Variants in CPQ observed in about 807,000 individuals in gnomAD.
The protein encoded by CPQ is Ser-Met dipeptidase.
CPQ carries 37 observed loss-of-function variants against 45.7 expected under a neutral mutation model. The ratio of observed to expected loss-of-function variants is 0.81; its 90% confidence interval spans 0.62 to 1.07. The LOEUF is 1.07. CPQ is among the 50% of genes least tolerant of loss of function. The pLI is 0.00. For synonymous variants in CPQ, 186 were observed against 205.8 expected (o/e 0.90, Z 0.82); for missense variants, 537 against 572.9 (o/e 0.94, Z 0.64).
intron 1 of CPQ, among the ~76,000 whole-genome samples, chr8:96,751,281 C>G (rs769102757): frequency 5.6e-4 from 85 of 152,198 alleles, no homozygotes; most frequent in Non-Finnish European, 1.0e-3. Flanking sequence ...TTTTTCTTCA[C>G]AAACTTGCCA....
At chr8:97,140,932 C>T (rs956389514) in intron 7 of CPQ, among the ~76,000 whole-genome samples, 1 of 151,904 alleles carries the variant, frequency 6.6e-6, no homozygotes, top group Non-Finnish European at 1.5e-5. Flanking sequence ...CAATCCGTAC[C>T]GCAGATCAGT....
chr8:96,982,261 A>AT (rs994007772), intron 5 of CPQ, among the ~76,000 whole-genome samples: 2 of 152,164 alleles, frequency 1.3e-5, no homozygotes, highest in Non-Finnish European at 2.9e-5. Flanking sequence ...ACATTTCCCG[A>AT]TTTTTTTAAA....
At chr8:96,895,611 A>G (rs1405089518) in intron 4 of CPQ, among the ~76,000 whole-genome samples, 2 of 152,096 alleles carry the variant, frequency 1.3e-5, no homozygotes, top group Non-Finnish European at 1.5e-5. Context: ...TAATTGGGTA[A>G]TTTTAAATGA....
Position 96,814,654 on chromosome 8 carries a change from G to A in CPQ, c.434-20319G>A, listed in dbSNP as rs533222553. 1.7e-4 allele frequency among the ~76,000 whole-genome samples: 26 copies of A among 152,246 alleles called. No individual in the cohort carries two copies. The South Asian group carries it at 5.0e-3, about 29-fold the overall frequency. ...TCATTCATTCTATATGCCAGTTGGT[G>A]TGCAGGTGGTGTTGATATAGAAATG... On this transcript the variant is annotated intron_variant, in intron 2 of 7. Coordinates refer to ENST00000220763, the MANE Select transcript of CPQ (RefSeq NM_016134.4).
chr8:96,651,682 T>A lies in CPQ; in HGVS notation c.-35+6280T>A, dbSNP rs985445903. On this transcript the variant is annotated intron_variant, in intron 1 of 7. Coordinates refer to ENST00000220763, the MANE Select transcript of CPQ (RefSeq NM_016134.4). ...AATATAATTTATGAGTGAATAGGGA[T>A]ATGGAACATTTAATAGTATATTTTA... 3.9e-5 allele frequency among the ~76,000 whole-genome samples: 5 copies of A among 127,328 alleles called. No homozygotes were observed. The East Asian group carries it at 1.1e-3, about 29-fold the overall frequency. The allele number at this position is 127,328 out of a possible 152,430, so 83.5% of individuals were successfully genotyped here. A position where few individuals can be genotyped will look rare whatever the true frequency, so the allele number is the denominator to read the frequency against.
intron 2 of CPQ, among the ~76,000 whole-genome samples, chr8:96,788,937 T>C (rs2130812660): frequency 6.6e-6 from 1 of 152,234 alleles, no homozygotes; most frequent in African/African-American, 2.4e-5. Context: ...GAATTTGTCT[T>C]TTTAGTTACT....
At chr8:96,741,585 C>A (rs554293948) in intron 1 of CPQ, among the ~76,000 whole-genome samples, 1 of 152,050 alleles carries the variant, frequency 6.6e-6, no homozygotes, top group Non-Finnish European at 1.5e-5. Context: ...AATTTTGGAT[C>A]TTTCCTGCTT....
intron 1 of CPQ, among the ~76,000 whole-genome samples, chr8:96,711,460 G>A (rs1053860636): frequency 6.6e-6 from 1 of 152,142 alleles, no homozygotes; most frequent in Non-Finnish European, 1.5e-5. Flanking sequence ...AGACATACCT[G>A]TGACTGGGTA....
At chr8:97,029,204 A>G (rs997247218) in intron 5 of CPQ, among the ~76,000 whole-genome samples, 199 bp from the exon 6 acceptor site, 3 of 152,064 alleles carry the variant, frequency 2.0e-5, no homozygotes, top group African/African-American at 7.2e-5. Context: ...CCCTTTCTCC[A>G]TTAACCTGGC....
intron 1 of CPQ, among the ~76,000 whole-genome samples, chr8:96,717,027 AT>A (rs1467787189): frequency 0.058 from 224 of 3,858 alleles, 5 homozygotes; most frequent in African/African-American, 0.12. Context: ...TGATATAAAT[AT>A]ATATATATAT....
chr8:96,686,470 TC>T (rs1339211871), intron 1 of CPQ, among the ~76,000 whole-genome samples: 13 of 152,024 alleles, frequency 8.6e-5, no homozygotes, highest in Non-Finnish European at 1.6e-4. Context: ...TTTAGTTTTC[TC>T]TTTTTATTAT....
At chr8:96,954,702 C>T (rs371342196) in intron 4 of CPQ, among the ~76,000 whole-genome samples, 8 of 151,992 alleles carry the variant, frequency 5.3e-5, no homozygotes, top group South Asian at 2.1e-4. Context: ...CCCATTAACT[C>T]GTCATTTAAC....
intron 1 of CPQ, among the ~76,000 whole-genome samples, chr8:96,754,101 T>G (rs2130787389): frequency 6.6e-6 from 1 of 152,198 alleles, no homozygotes; most frequent in Middle Eastern, 3.4e-3. Context: ...TTAATATACT[T>G]TGACTTAATT....
chr8:97,098,135 G>A (rs1211179030), intron 7 of CPQ, among the ~76,000 whole-genome samples: 1 of 152,138 alleles, frequency 6.6e-6, no homozygotes. Flanking sequence ...GAGAGTTGGG[G>A]ATACATAAAG....
chr8:97,061,881 C>A (rs1810557647), intron 6 of CPQ, among the ~76,000 whole-genome samples: 1 of 152,102 alleles, frequency 6.6e-6, no homozygotes, highest in Admixed American at 6.6e-5. Context: ...AGCTGGGTAC[C>A]ATTATCATCC....
At chr8:96,767,444 T>G (rs1444802536) in intron 1 of CPQ, among the ~76,000 whole-genome samples, 2 of 150,928 alleles carry the variant, frequency 1.3e-5, no homozygotes, top group African/African-American at 4.9e-5. Context: ...AGGAAACCAG[T>G]TCTCCTCTCC....
rs192083902 is a variant in CPQ at position 96,892,140 on chromosome 8, T to A, written c.849+12135T>A. ...CCCAAAGACAAAGACATGGCTTTTT[T>A]AATGTATATGTGTTTTTAGAAATAA... On this transcript the variant is annotated intron_variant, in intron 4 of 7. Transcript: ENST00000220763. 2.0e-4 allele frequency among the ~76,000 whole-genome samples: 30 copies of A among 152,362 alleles called. No homozygotes were observed. In the East Asian group the frequency reaches 4.2e-3, roughly 22 times the overall value.
chr8:96,788,191 T>C (rs1810799794), intron 2 of CPQ, among the ~76,000 whole-genome samples: 1 of 151,246 alleles, frequency 6.6e-6, no homozygotes, highest in Non-Finnish European at 1.5e-5. Context: ...GGAGTTTCAC[T>C]CTTGTTGCCT....
At chr8:97,033,282 A>T (rs1310655199) in intron 6 of CPQ, among the ~76,000 whole-genome samples, 1 of 152,230 alleles carries the variant, frequency 6.6e-6, no homozygotes, top group African/African-American at 2.4e-5. Context: ...GAATCAGAAA[A>T]TTATAGCTGA....
Sources: gnomAD v4.1 joint callset for allele counts (sites outside exome capture counted in the v4.1 genomes callset) on GRCh38, gnomAD v4.1.1 for gene constraint, MANE v1.5 for transcripts, NCBI Gene and HGNC (gene_info 2026-07-23, HGNC 2026-07-21) for gene names.